MYO16: variants seen among roughly 807,000 people sequenced by gnomAD.
MYO16 encodes the protein unconventional myosin-XVI.
MYO16 carries 94 observed loss-of-function variants against 205.3 expected under a neutral mutation model. The ratio of observed to expected loss-of-function variants is 0.46; its 90% CI spans 0.39 to 0.54. MYO16 has a LOEUF of 0.54. MYO16 is among the 20% of genes least tolerant of loss of function. The pLI, the probability that MYO16 is intolerant of heterozygous loss-of-function variation, is 0.00. For missense variants in MYO16, 2,315 were observed against 2,387.5 expected, an observed-to-expected ratio of 0.97 and a Z score of 0.63; for synonymous variants, 988 against 954.0, an observed-to-expected ratio of 1.04 and a Z score of -0.66.
intron 33 of MYO16, among the ~76,000 whole-genome samples, chr13:109,170,435 G>A (rs768670220): frequency 6.6e-5 from 10 of 151,996 alleles, no homozygotes; most frequent in African/African-American, 2.2e-4. Flanking sequence ...TCATTTGGAG[G>A]GGAAGGCCAG....
At chr13:108,548,221 G>C in the MYO16 span, among the ~76,000 whole-genome samples, 14 of 151,886 alleles carry the variant, frequency 9.2e-5, no homozygotes, top group African/African-American at 2.9e-4. Context: ...TGATGATGGT[G>C]GTGGTGGTGG....
At chr13:108,524,159 G>A in the MYO16 span, among the ~76,000 whole-genome samples, 13 of 152,044 alleles carry the variant, frequency 8.6e-5, no homozygotes, top group Non-Finnish European at 1.8e-4. Context: ...AATTAGCCTG[G>A]GGTGGCAGTG....
chr13:109,041,256 A>T (rs142927280), intron 23 of MYO16, among the ~76,000 whole-genome samples: 1 of 152,338 alleles, frequency 6.6e-6, no homozygotes, highest in African/African-American at 2.4e-5. Flanking sequence ...AAGACAATAT[A>T]GTGTCAATTT....
Position 108,606,529 on chromosome 13 carries a change from G to A in MYO16, c.-39+10290G>A, listed in dbSNP as rs142274714. Among the ~76,000 whole-genome samples, 365 of 152,264 alleles carry A rather than the reference G, an allele frequency of 2.4e-3. 2 individuals carry two copies. Among genetic ancestry groups the A allele is most frequent in the African/African-American group, 8.3e-3 (347 of 41,564 alleles). On this transcript the variant is annotated intron_variant, in intron 1 of 24. Coordinates refer to the MYO16 transcript ENST00000251041. The stretch of plus-strand genomic sequence containing the variant: ...AGCTTCTGCATGATATTTGTCCTCT[G>A]GGTACACGGAAGTCAAGAATTGAGG...
chr13:109,007,539 C>CGTGTGTGT (rs71125360), intron 21 of MYO16, among the ~76,000 whole-genome samples: 54 of 133,706 alleles, frequency 4.0e-4, no homozygotes, highest in African/African-American at 1.4e-3. Context: ...AGAAATCAGC[C>CGTGTGTGT]GTGTGTGTGT....
chr13:108,591,923 C>A (rs1334853436), upstream of MYO16, among the ~76,000 whole-genome samples: 5 of 152,032 alleles, frequency 3.3e-5, no homozygotes, highest in Non-Finnish European at 7.4e-5. Context: ...GAGAACTTTT[C>A]TAGCGTGGAG....
chr13:109,043,595 A>C (rs1886949176), intron 23 of MYO16, among the ~76,000 whole-genome samples: 1 of 152,202 alleles, frequency 6.6e-6, no homozygotes, highest in Admixed American at 6.5e-5. Context: ...GGATGTAAAA[A>C]GGCCAGTACT....
At chr13:109,150,650 A>G (rs994104802) in intron 32 of MYO16, among the ~76,000 whole-genome samples, 2 of 152,340 alleles carry the variant, frequency 1.3e-5, no homozygotes, top group South Asian at 2.1e-4. Flanking sequence ...TACAACCGGG[A>G]TGCTCTATAA....
intron 20 of MYO16, among the ~76,000 whole-genome samples, chr13:108,981,072 G>GT (rs1356898772): frequency 6.6e-6 from 1 of 152,186 alleles, no homozygotes; most frequent in African/African-American, 2.4e-5. Context: ...AAAAAGATTA[G>GT]TTTTAAAGCT....
At chr13:109,116,561 C>T (rs74702241) in intron 28 of MYO16, among the ~76,000 whole-genome samples, 1,624 of 152,240 alleles carry the variant, frequency 0.011, 37 homozygotes, top group African/African-American at 0.037. Flanking sequence ...TCTCAACTAC[C>T]GACCATCAAG....
intron 15 of MYO16, among the ~76,000 whole-genome samples, chr13:108,908,075 A>T (rs2139228727): frequency 6.6e-6 from 1 of 152,328 alleles, no homozygotes; most frequent in East Asian, 1.9e-4. Flanking sequence ...AAAAAGAAAA[A>T]AATATTTAAA....
At chr13:109,145,405 C>A (rs1416489760) in intron 32 of MYO16, among the ~76,000 whole-genome samples, 1 of 151,642 alleles carries the variant, frequency 6.6e-6, no homozygotes, top group Non-Finnish European at 1.5e-5. Context: ...AATATTTGTT[C>A]ACTGAGGGGC....
chr13:108,614,605 G>C (rs974098913), intron 1 of MYO16, among the ~76,000 whole-genome samples: 3 of 152,002 alleles, frequency 2.0e-5, no homozygotes, highest in Admixed American at 2.0e-4. Context: ...AAAACAATGT[G>C]ATACTGGCAT....
the MYO16 span, among the ~76,000 whole-genome samples, chr13:108,568,708 T>TATTATC: frequency 6.6e-6 from 1 of 151,796 alleles, no homozygotes; most frequent in Non-Finnish European, 1.5e-5. Context: ...TTATCTACTT[T>TATTATC]ATTATTATTA....
At chr13:108,794,921 A>G (rs1886738454) in intron 6 of MYO16, among the ~76,000 whole-genome samples, 1 of 152,150 alleles carries the variant, frequency 6.6e-6, no homozygotes, top group Admixed American at 6.5e-5. Flanking sequence ...TGATTTAACT[A>G]AATAGGTAAA....
At position 108,612,321 on chromosome 13, in the gene MYO16, A is replaced by G. The variant is rs544336827; in HGVS notation, c.-39+16082A>G. Among the ~76,000 whole-genome samples the G allele has an allele frequency of 6.6e-5, 10 of 152,284 alleles. No individual in the cohort carries two copies. The South Asian group carries it at 2.1e-3, about 32-fold the overall frequency. On this transcript the variant is annotated intron_variant, in intron 1 of 24. Coordinates refer to the MYO16 transcript ENST00000251041. ...AAAAGAGAGACAAGATGCTAATACT[A>G]GAAAAAAAGTAATAATATCATTGAA...
At chr13:108,779,205 C>T (rs947795520) in intron 4 of MYO16, among the ~76,000 whole-genome samples, 6 of 152,176 alleles carry the variant, frequency 3.9e-5, no homozygotes, top group African/African-American at 1.2e-4. Flanking sequence ...ACTAGGCTAA[C>T]GACACCCCTC....
rs565714330 is a variant in MYO16 at position 108,601,185 on chromosome 13, G to A, written c.-39+4946G>A. Among the ~76,000 whole-genome samples the A allele has an allele frequency of 1.7e-4, 26 of 152,124 alleles. 3 individuals are homozygous for A. The South Asian group carries it at 4.6e-3, about 27-fold the overall frequency. ...GCAGATGTGTGTCCCATGGAGCACC[G>A]CAACTGAATTTTAAGCTTTCAAAAG... On this transcript the variant is annotated intron_variant, in intron 1 of 24. Transcript: ENST00000251041.
chr13:108,827,989 G>GT (rs201250216), intron 9 of MYO16, among the ~76,000 whole-genome samples: 3,946 of 151,924 alleles, frequency 0.026, 164 homozygotes, highest in African/African-American at 0.089. Context: ...TGATGAAAGG[G>GT]TTTTTTTTAC....
Sources: gnomAD v4.1 joint callset for allele counts (sites outside exome capture counted in the v4.1 genomes callset) on GRCh38, gnomAD v4.1.1 for gene constraint, MANE v1.5 for transcripts, NCBI Gene and HGNC (gene_info 2026-07-23, HGNC 2026-07-21) for gene names.